FBLN2: variants seen among roughly 807,000 people sequenced by gnomAD.
The protein encoded by FBLN2 is fibulin-2.
FBLN2 carries 81 observed loss-of-function variants against 123.7 expected under a neutral mutation model. That is an observed-to-expected ratio of 0.65 (90% CI 0.55 to 0.79). FBLN2 has a LOEUF of 0.79. Among genes scored for constraint, FBLN2 ranks in the 30% least tolerant of loss-of-function variants. The pLI is 0.00. For missense variants in FBLN2, 1,603 were observed against 1,681.3 expected, an observed-to-expected ratio of 0.95 and a Z score of 0.81; for synonymous variants, 699 against 701.4, an observed-to-expected ratio of 1.00 and a Z score of 0.05.
chr3:13,626,375 G>A (rs1227922472), intron 9 of FBLN2, 70 bp from the exon 10 acceptor site: 1 of 1,434,686 alleles, frequency 7.0e-7, no homozygotes, highest in Non-Finnish European at 9.3e-7. Flanking sequence ...GGTGGCCCAA[G>A]GTCTGCTGGC....
At chr3:13,606,813 G>A (rs543628341) in intron 2 of FBLN2, among the ~76,000 whole-genome samples, 15 of 151,814 alleles carry the variant, frequency 9.9e-5, no homozygotes, top group African/African-American at 3.1e-4. Context: ...CACCATGCCT[G>A]GCTGATTTTT....
chr3:13,551,518 A>AG (rs995366495), intron 1 of FBLN2, among the ~76,000 whole-genome samples: 2 of 152,190 alleles, frequency 1.3e-5, no homozygotes, highest in Non-Finnish European at 2.9e-5. Flanking sequence ...CCAGCAGGCA[A>AG]GGGGGAGAGC....
chr3:13,609,748 G>C (rs897099751), intron 4 of FBLN2, 106 bp downstream of exon 4: 3 of 1,373,824 alleles, frequency 2.2e-6, no homozygotes, highest in Admixed American at 4.6e-5. Context: ...TGTCCTTGGG[G>C]CTCCTCCTGG....
intron 1 of FBLN2, among the ~76,000 whole-genome samples, chr3:13,562,675 C>T (rs1200734943): frequency 6.6e-6 from 1 of 152,204 alleles, no homozygotes; most frequent in Non-Finnish European, 1.5e-5. Flanking sequence ...TGCTTGAGTG[C>T]ACAGCTCAGT....
chr3:13,615,168 G>A (rs886673104), intron 5 of FBLN2, among the ~76,000 whole-genome samples: 16 of 152,232 alleles, frequency 1.1e-4, no homozygotes, highest in African/African-American at 3.9e-4. Context: ...TCTGTGCCTG[G>A]TGGGTCTGCA....
chr3:13,633,954 A>AACACACTCACACACACAC (rs1706355012), intron 16 of FBLN2, among the ~76,000 whole-genome samples: 1 of 112,830 alleles, frequency 8.9e-6, no homozygotes, highest in Non-Finnish European at 1.8e-5. Context: ...ACACACTGCA[A>AACACACTCACACACACAC]ACACACACAC....
chr3:13,612,733 C>T (rs1705448009), intron 4 of FBLN2, among the ~76,000 whole-genome samples: 1 of 152,130 alleles, frequency 6.6e-6, no homozygotes, highest in African/African-American at 2.4e-5. Flanking sequence ...GGATAATAAT[C>T]CATGTCTTTT....
chr3:13,637,479 C>A, intron 17 of FBLN2, 83 bp from the exon 18 acceptor site: 1 of 1,292,880 alleles, frequency 7.7e-7, no homozygotes, highest in Non-Finnish European at 1.1e-6. Flanking sequence ...TTGATCCTGC[C>A]GCTGAGCTGT....
rs1440183513 is a variant in FBLN2, at chr3:13,549,156, C to A, written c.-94C>A. 2 of 982,870 alleles carry A rather than the reference C, an allele frequency of 2.0e-6. No individual in the cohort carries two copies. The highest frequency in any genetic ancestry group is 1.8e-5 in the African/African-American group (1 of 56,950). 60.9% of individuals were successfully genotyped at this position (982,870 alleles called of 1,614,324 possible). A position where few individuals can be genotyped will look rare whatever the true frequency, so the allele number is the denominator to read the frequency against. On this transcript the variant is annotated 5_prime_UTR_variant, in exon 1 of 18. Coordinates refer to ENST00000404922, the MANE Select transcript of FBLN2 (RefSeq NM_001004019.2). ...AGCCAGGGGCCGCCCGGGCTCTCGA[C>A]GCGCCGACGGCCGGGCGGACGGACG...
intron 3 of FBLN2, among the ~76,000 whole-genome samples, chr3:13,608,686 C>T (rs978986516): frequency 6.6e-6 from 1 of 152,168 alleles, no homozygotes; most frequent in Non-Finnish European, 1.5e-5. Flanking sequence ...CTTCCCTTTT[C>T]CAGGCCCAGG....
intron 3 of FBLN2, among the ~76,000 whole-genome samples, chr3:13,608,460 T>C (rs890101339): frequency 6.6e-6 from 1 of 152,250 alleles, no homozygotes; most frequent in East Asian, 1.9e-4. Context: ...AAAGGAGTGC[T>C]GTCCCCTAGG....
intron 9 of FBLN2, among the ~76,000 whole-genome samples, chr3:13,625,490 CTCAGCTGCCTCT>C (rs1706005501): frequency 6.6e-6 from 1 of 152,140 alleles, no homozygotes; most frequent in African/African-American, 2.4e-5. Flanking sequence ...AAGGCATGTC[CTCAGCTGCCTCT>C]TCACCCTCAA....
At chr3:13,602,126 A>C (rs1214642170) in intron 2 of FBLN2, among the ~76,000 whole-genome samples, 1 of 152,152 alleles carries the variant, frequency 6.6e-6, no homozygotes, top group Non-Finnish European at 1.5e-5. Context: ...TATCTCTGTA[A>C]ATTTTATTCT....
At chr3:13,617,725 A>ATCCC (rs1705680052) in intron 5 of FBLN2, among the ~76,000 whole-genome samples, 1 of 35,572 alleles carries the variant, frequency 2.8e-5, no homozygotes, top group African/African-American at 1.2e-4. Flanking sequence ...CCATCCATTC[A>ATCCC]TCCACCCCCC....
chr3:13,582,642 G>C (rs896672992), intron 2 of FBLN2, among the ~76,000 whole-genome samples: 1 of 152,338 alleles, frequency 6.6e-6, no homozygotes, highest in Middle Eastern at 3.4e-3. Context: ...GCTCGTGGCT[G>C]TGTGACCTCA....
chr3:13,631,762 A>G (rs1706267090), intron 16 of FBLN2, among the ~76,000 whole-genome samples: 1 of 152,186 alleles, frequency 6.6e-6, no homozygotes, highest in Admixed American at 6.5e-5. Flanking sequence ...AAGCCTGCCC[A>G]GTGAGGAGAC....
At chr3:13,624,124 G>A (rs928712138) in intron 9 of FBLN2, among the ~76,000 whole-genome samples, 1 of 152,224 alleles carries the variant, frequency 6.6e-6, no homozygotes, top group African/African-American at 2.4e-5. Flanking sequence ...ATGAAGTGGT[G>A]CTGCAGCAGT....
At chr3:13,559,606 A>C (rs1703554089) in intron 1 of FBLN2, among the ~76,000 whole-genome samples, 1 of 152,236 alleles carries the variant, frequency 6.6e-6, no homozygotes, top group Admixed American at 6.5e-5. Flanking sequence ...TGATAGGGCC[A>C]CAGAACGAAA....
intron 1 of FBLN2, among the ~76,000 whole-genome samples, chr3:13,561,665 G>A (rs906801982): frequency 6.6e-6 from 1 of 152,220 alleles, no homozygotes; most frequent in African/African-American, 2.4e-5. Flanking sequence ...TCTTGCCAAA[G>A]GAGCATGCGG....
Sources: gnomAD v4.1 joint callset for allele counts (sites outside exome capture counted in the v4.1 genomes callset) on GRCh38, gnomAD v4.1.1 for gene constraint, MANE v1.5 for transcripts, NCBI Gene and HGNC (gene_info 2026-07-23, HGNC 2026-07-21) for gene names.